Variants in GALNT7 observed in about 807,000 individuals in gnomAD.
GALNT7 encodes N-acetylgalactosaminyltransferase 7.
In GALNT7, 60 loss-of-function variants were observed where a neutral mutation model predicts 82.1. The observed-to-expected ratio is 0.73, with a 90% CI of 0.59 to 0.91. The LOEUF (loss-of-function observed/expected upper bound fraction) is 0.91, where lower values mean the gene tolerates loss of function less well. GALNT7 is among the 40% of genes least tolerant of loss of function. GALNT7 has a pLI of 0.00. For missense variants in GALNT7, 660 were observed against 804.2 expected, an observed-to-expected ratio of 0.82 and a Z score of 2.17; for synonymous variants, 243 against 275.1, an observed-to-expected ratio of 0.88 and a Z score of 1.15.
At chr4:173,190,337 A>G (rs1732590528) in intron 1 of GALNT7, among the ~76,000 whole-genome samples, 1 of 152,224 alleles carries the variant, frequency 6.6e-6, no homozygotes, top group Non-Finnish European at 1.5e-5. Flanking sequence ...CCATGTGCAT[A>G]GCTAAAAATG....
At chr4:173,204,006 A>G (rs1389920592) in intron 1 of GALNT7, among the ~76,000 whole-genome samples, 2 of 152,190 alleles carry the variant, frequency 1.3e-5, no homozygotes, top group South Asian at 2.1e-4. Context: ...ACTATTTCTT[A>G]TAAGACAAGA....
At chr4:173,303,632 A>G (rs1159526371) in intron 7 of GALNT7, among the ~76,000 whole-genome samples, 1 of 152,236 alleles carries the variant, frequency 6.6e-6, no homozygotes, top group African/African-American at 2.4e-5. Context: ...GAAGCCAGTT[A>G]GGAGTTTATT....
intron 2 of GALNT7, among the ~76,000 whole-genome samples, chr4:173,263,900 A>G (rs1291524747): frequency 6.6e-6 from 1 of 152,244 alleles, no homozygotes; most frequent in East Asian, 1.9e-4. Context: ...TACATGATGA[A>G]TACCTGTGGT....
At chr4:173,210,553 T>C (rs556376516) in intron 1 of GALNT7, among the ~76,000 whole-genome samples, 43 of 152,200 alleles carry the variant, frequency 2.8e-4, no homozygotes, top group Non-Finnish European at 5.7e-4. Flanking sequence ...TCCCGAGTCC[T>C]AGCGATCCAC....
At chr4:173,179,119 T>A (rs1035346078) in intron 1 of GALNT7, among the ~76,000 whole-genome samples, 1 of 152,240 alleles carries the variant, frequency 6.6e-6, no homozygotes, top group Non-Finnish European at 1.5e-5. Flanking sequence ...GAAAACTATG[T>A]ATTCACTGGT....
At chr4:173,171,911 A>G (rs181733096) in intron 1 of GALNT7, among the ~76,000 whole-genome samples, 222 of 152,338 alleles carry the variant, frequency 1.5e-3, no homozygotes, top group African/African-American at 5.2e-3. Flanking sequence ...AGGGGGCAAG[A>G]AAATGGAGGA....
chr4:173,260,366 G>A (rs1270161250), intron 2 of GALNT7, among the ~76,000 whole-genome samples: 2 of 152,206 alleles, frequency 1.3e-5, no homozygotes, highest in Admixed American at 1.3e-4. Context: ...TTTTAAGGCA[G>A]TATTTTAGTT....
chr4:173,313,055 T>C (rs1277255718), intron 8 of GALNT7, among the ~76,000 whole-genome samples: 2 of 151,448 alleles, frequency 1.3e-5, no homozygotes, highest in Non-Finnish European at 2.9e-5. Flanking sequence ...TGAGACTCCA[T>C]CTCAAAAATA....
chr4:173,292,331 C>CA lies in GALNT7; in HGVS notation c.754+62dup. 1 of 1,067,460 alleles carries CA rather than the reference C, an allele frequency of 9.4e-7. No individual in the cohort carries two copies. The highest frequency in any genetic ancestry group is 1.4e-6 in the Non-Finnish European group (1 of 730,338). The allele number at this position is 1,067,460 out of a possible 1,614,324, so 66.1% of individuals were successfully genotyped here. Reference sequence around the variant, plus strand: ...AAAATAAGTTAAGCATGAATAATTGCAAAAAGGTGATTTCAAAATAATTAG... The same window carrying CA: ...AAAATAAGTTAAGCATGAATAATTGCAAAAAAGGTGATTTCAAAATAATTAG... On this transcript the variant is annotated intron_variant, in intron 3 of 11. Coordinates refer to ENST00000265000, the MANE Select transcript of GALNT7 (RefSeq NM_017423.3). This position sits in a 1 kb window ranked among gnomAD's most constrained non-coding sequence, Gnocchi z 4.8.
At chr4:173,215,262 G>A (rs1014703771) in intron 1 of GALNT7, among the ~76,000 whole-genome samples, 1 of 134,752 alleles carries the variant, frequency 7.4e-6, no homozygotes, top group African/African-American at 2.7e-5. Flanking sequence ...ATGGAGTCTT[G>A]TTCTGTCGCC....
At chr4:173,230,048 C>T (rs1048366281) in intron 1 of GALNT7, among the ~76,000 whole-genome samples, 1 of 152,048 alleles carries the variant, frequency 6.6e-6, no homozygotes, top group Non-Finnish European at 1.5e-5. Flanking sequence ...AAGAAGGGAA[C>T]CTTTTCAATA....
At chr4:173,249,478 G>A (rs2126741572) in intron 2 of GALNT7, among the ~76,000 whole-genome samples, 1 of 152,328 alleles carries the variant, frequency 6.6e-6, no homozygotes. Flanking sequence ...GAAGGTAGGA[G>A]TGGAAGTGCA....
rs903348721 is a variant in GALNT7, at chr4:173,175,358, A to G, written c.126+6397A>G. ...CTATTGCAAGTCCGATGGAATCCCA[A>G]CTTTATAGATGAGACTGTTGTGGTA... is the stretch of plus-strand genomic sequence containing the variant. On this transcript the variant is annotated intron_variant, in intron 1 of 11. Transcript: ENST00000265000. 3.9e-5 allele frequency among the ~76,000 whole-genome samples: 6 copies of G among 152,342 alleles called. No homozygotes were observed. In the South Asian group the frequency reaches 1.0e-3, roughly 26 times the overall value.
At chr4:173,229,330 A>C (rs1375432756) in intron 1 of GALNT7, among the ~76,000 whole-genome samples, 1 of 152,074 alleles carries the variant, frequency 6.6e-6, no homozygotes, top group Non-Finnish European at 1.5e-5. Context: ...GTAGTATTTT[A>C]TTGGTTTGAA....
intron 2 of GALNT7, among the ~76,000 whole-genome samples, chr4:173,253,502 T>G (rs528950114): frequency 6.6e-6 from 1 of 152,178 alleles, no homozygotes; most frequent in Admixed American, 6.5e-5. Context: ...TAGAGTAGAT[T>G]AGGGGGTGGA....
chr4:173,178,488 CT>C (rs1365881165), intron 1 of GALNT7, among the ~76,000 whole-genome samples: 4 of 152,142 alleles, frequency 2.6e-5, no homozygotes, highest in African/African-American at 9.7e-5. Flanking sequence ...GAAGAGCTAA[CT>C]TTCAGTTGCT....
At chr4:173,194,865 A>G (rs997714237) in intron 1 of GALNT7, among the ~76,000 whole-genome samples, 8 of 152,050 alleles carry the variant, frequency 5.3e-5, no homozygotes, top group African/African-American at 1.4e-4. Context: ...GTTTTCAGCC[A>G]TAGTAGCATT....
At chr4:173,196,761 C>G (rs1732791390) in intron 1 of GALNT7, among the ~76,000 whole-genome samples, 1 of 152,136 alleles carries the variant, frequency 6.6e-6, no homozygotes. Flanking sequence ...TCTCATCATT[C>G]AGCTCCCACT....
intron 1 of GALNT7, among the ~76,000 whole-genome samples, chr4:173,199,144 T>A (rs150772227): frequency 9.8e-5 from 15 of 152,296 alleles, no homozygotes; most frequent in African/African-American, 3.4e-4. Flanking sequence ...CATTATGTGC[T>A]AGATACTATG....
Sources: gnomAD v4.1 joint callset for allele counts (sites outside exome capture counted in the v4.1 genomes callset) on GRCh38, gnomAD v4.1.1 for gene constraint, Gnocchi (gnomAD v3.1) non-coding constraint, MANE v1.5 for transcripts, NCBI Gene and HGNC (gene_info 2026-07-23, HGNC 2026-07-21) for gene names.